MED26: variants seen among roughly 807,000 people sequenced by gnomAD.
The protein encoded by MED26 is mediator of RNA polymerase II transcription subunit 26.
A neutral mutation model predicts 43.7 loss-of-function variants in MED26; 7 were observed. That is an observed-to-expected ratio of 0.16 (90% CI 0.09 to 0.30). The LOEUF is 0.30. Among genes scored for constraint, MED26 ranks in the 10% least tolerant of loss-of-function variants. MED26 has a pLI of 1.00. For missense variants in MED26, 784 were observed against 840.6 expected, an observed-to-expected ratio of 0.93 and a Z score of 0.83; for synonymous variants, 375 against 371.1, an observed-to-expected ratio of 1.01 and a Z score of -0.12.
chr19:16,575,960 G>GC lies in MED26; in HGVS notation c.*66dup. ...GGAGGCAGCTGGGCCCCGGCCACCT[G>GC]CCCACCTGCCTGCCCGCCCACCCGG... is the stretch of plus-strand genomic sequence containing the variant. On this transcript the variant is annotated 3_prime_UTR_variant, in exon 3 of 3. Transcript: ENST00000263390. 1 of 1,487,226 alleles carries GC rather than the reference G, an allele frequency of 6.7e-7. No homozygotes were observed. The highest frequency in any genetic ancestry group is 9.1e-7 in the Non-Finnish European group (1 of 1,094,664). The allele number at this position is 1,487,226 out of a possible 1,614,324, so 92.1% of individuals were successfully genotyped here.
chr19:16,623,800 C>T (rs1236130411), intron 1 of MED26, among the ~76,000 whole-genome samples: 1 of 152,180 alleles, frequency 6.6e-6, no homozygotes, highest in African/African-American at 2.4e-5. Context: ...GTTGAAAGGA[C>T]TCTAAGGACT....
At position 16,591,033 on chromosome 19, in the gene MED26, T is replaced by G. The variant is rs2122402387; in HGVS notation, c.73-12624A>C. On this transcript the variant is annotated intron_variant, in intron 1 of 2. Transcript: ENST00000263390. The stretch of plus-strand genomic sequence containing the variant: ...CCAGCCTGGGCCACAGAGAGAGACT[T>G]TCTCAAAATAAAATAAAATAAATAA... 1.4e-5 allele frequency among the ~76,000 whole-genome samples: 2 copies of G among 146,084 alleles called. 1 individual carries two copies. The highest frequency in any genetic ancestry group is 4.4e-4 in the South Asian group (2 of 4,554).
intron 1 of MED26, among the ~76,000 whole-genome samples, chr19:16,605,049 G>A (rs889138579): frequency 6.6e-6 from 1 of 152,194 alleles, no homozygotes; most frequent in African/African-American, 2.4e-5. Flanking sequence ...GCCCCTCAGT[G>A]GGGGGAGGGA....
chr19:16,607,956 G>A lies in MED26; in HGVS notation c.72+19916C>T, dbSNP rs375167131. Among the ~76,000 whole-genome samples, 30 of 152,350 alleles carry A rather than the reference G, an allele frequency of 2.0e-4. No individual in the cohort carries two copies. In the East Asian group the frequency reaches 2.5e-3, roughly 13 times the overall value. On this transcript the variant is annotated intron_variant, in intron 1 of 2. Coordinates refer to ENST00000263390, the MANE Select transcript of MED26 (RefSeq NM_004831.5). ...AACTACGATCACGAGAACTGTCCCA[G>A]CAGCCAGCTGCAAAGGCGCAGACAC...
At chr19:16,585,672 T>C (rs1024774890) in intron 1 of MED26, among the ~76,000 whole-genome samples, 1 of 152,218 alleles carries the variant, frequency 6.6e-6, no homozygotes, top group African/African-American at 2.4e-5. Flanking sequence ...TCTGTGGCCC[T>C]GTGAAACCCA....
In MED26 at chr19:16,576,519, C is replaced by T; in HGVS notation, c.1311G>A (p.Leu437=). The T allele has an allele frequency of 6.2e-7, 1 of 1,614,200 alleles. No individual in the cohort carries two copies. The highest frequency in any genetic ancestry group is 8.5e-7 in the Non-Finnish European group (1 of 1,180,046). ...CTGCCCGCACTGGCTCTTTCTGGGTCAGAGGTTTGATCTGTCTCGTCATGG... is the reference window on the plus strand; with the variant it reads ...CTGCCCGCACTGGCTCTTTCTGGGTTAGAGGTTTGATCTGTCTCGTCATGG... ...FDPMTRQIKP[L]TQKEPVRADS... The change falls in exon 3 of 3, where the codon CTG becomes CTA. Residue 437 remains leucine, a synonymous_variant. Coordinates refer to ENST00000263390, the MANE Select transcript of MED26 (RefSeq NM_004831.5). The surrounding 1 kb of genome is among the most constrained non-coding windows in gnomAD (Gnocchi z 6.8).
At chr19:16,578,662 T>C in intron 1 of MED26, 1 of 474,164 alleles carries the variant, frequency 2.1e-6, no homozygotes, top group South Asian at 3.0e-5. Context: ...GTGTACATGG[T>C]ACATACCCAC....
chr19:16,610,285 A>ATAC (rs796694824), intron 1 of MED26: 25 of 152,230 alleles, frequency 1.6e-4, no homozygotes, highest in African/African-American at 6.0e-4. Context: ...AATAATAATA[A>ATAC]TAAGCAAAAC....
At chr19:16,598,354 A>C (rs2086132411) in intron 1 of MED26, among the ~76,000 whole-genome samples, 1 of 150,222 alleles carries the variant, frequency 6.7e-6, no homozygotes, top group Non-Finnish European at 1.5e-5. Context: ...AAAAAAAAAA[A>C]AAAAAATTAC....
chr19:16,627,967 C>A lies in MED26; in HGVS notation c.-24G>T. 1 of 1,420,966 alleles carries A rather than the reference C, an allele frequency of 7.0e-7. No individual in the cohort carries two copies. The highest frequency in any genetic ancestry group is 9.3e-7 in the Non-Finnish European group (1 of 1,080,890). The allele number at this position is 1,420,966 out of a possible 1,614,324, so 88.0% of individuals were successfully genotyped here. On this transcript the variant is annotated 5_prime_UTR_variant, in exon 1 of 3. Coordinates refer to ENST00000263390, the MANE Select transcript of MED26 (RefSeq NM_004831.5). ...ATTGCCTGGGCGAGGCGGGGGGTTG[C>A]GGCCGGGCCAGCGGGCGGGCGGGCT...
At chr19:16,592,600 G>A (rs910058764) in intron 1 of MED26, among the ~76,000 whole-genome samples, 10 of 152,208 alleles carry the variant, frequency 6.6e-5, no homozygotes, top group Admixed American at 6.5e-4. Flanking sequence ...CGCTCGCCTA[G>A]GCATGACATG....
At chr19:16,618,691 C>T (rs960361026) in intron 1 of MED26, among the ~76,000 whole-genome samples, 1 of 152,190 alleles carries the variant, frequency 6.6e-6, no homozygotes, top group African/African-American at 2.4e-5. Context: ...ACACTGGATC[C>T]ACTATTCTTC....
At chr19:16,601,801 G>A (rs867760432) in intron 1 of MED26, among the ~76,000 whole-genome samples, 1 of 152,256 alleles carries the variant, frequency 6.6e-6, no homozygotes, top group African/African-American at 2.4e-5. Flanking sequence ...AGGCCACCCC[G>A]GGCCATGCTC....
At chr19:16,616,242 A>AT (rs140190767) in intron 1 of MED26, among the ~76,000 whole-genome samples, 1 of 152,124 alleles carries the variant, frequency 6.6e-6, no homozygotes, top group African/African-American at 2.4e-5. Context: ...CCTATGCAGC[A>AT]TTTTTTACAT....
rs754759101 is a variant in MED26 at position 16,576,173 on chromosome 19, C to T, written c.1657G>A (p.Asp553Asn). The T allele has an allele frequency of 5.0e-6, 8 of 1,613,448 alleles. No homozygotes were observed. The highest frequency in any genetic ancestry group is 1.3e-5 in the African/African-American group (1 of 75,048). The change falls in exon 3 of 3, where the codon GAC becomes AAC. Residue 553 changes from aspartate (D) to asparagine (N), a missense_variant. By Grantham distance (23) the Asp-to-Asn change is conservative. Around this residue, in one of 3 missense-constraint regions of MED26, gnomAD observed 719 missense variants for 730.9 expected, o/e 0.98. Transcript: ENST00000263390. This position sits in a 1 kb window ranked among gnomAD's most constrained non-coding sequence, Gnocchi z 6.8. ...GGCCACTGGCTGGCCTGGATTCTGT[C>T]GAGATCGTCCTGTGTGACCTCCCGG... Reference protein sequence around the residue: ...LTREVTQDDLDRIQASQWPGV... With the variant: ...LTREVTQDDLNRIQASQWPGV...
chr19:16,595,672 G>T (rs550508563), intron 1 of MED26, among the ~76,000 whole-genome samples: 1 of 152,202 alleles, frequency 6.6e-6, no homozygotes, highest in African/African-American at 2.4e-5. Flanking sequence ...TGCTTTCCTG[G>T]GTGACTTTCC....
intron 1 of MED26, among the ~76,000 whole-genome samples, chr19:16,607,730 AT>A (rs150204784): frequency 3.3e-5 from 5 of 151,710 alleles, no homozygotes; most frequent in African/African-American, 9.7e-5. Context: ...ACATTATGAG[AT>A]TTTTTTTTAA....
intron 1 of MED26, 111 bp downstream of exon 1, chr19:16,627,761 G>C (rs2086288195): frequency 1.4e-6 from 1 of 695,398 alleles, no homozygotes; most frequent in South Asian, 4.4e-5. Flanking sequence ...CCCTCGAGGG[G>C]AGGTGGGCGC....
intron 1 of MED26, among the ~76,000 whole-genome samples, chr19:16,608,747 A>G (rs983223376): frequency 6.6e-6 from 1 of 152,250 alleles, no homozygotes; most frequent in African/African-American, 2.4e-5. Context: ...TTTGTGCTAC[A>G]AAGATAGCAG....
Sources: gnomAD v4.1 joint callset for allele counts (sites outside exome capture counted in the v4.1 genomes callset) on GRCh38, gnomAD v4.1.1 for gene constraint, gnomAD v4.1.1 regional missense constraint, Gnocchi (gnomAD v3.1) non-coding constraint, MANE v1.5 for transcripts, NCBI Gene and HGNC (gene_info 2026-07-23, HGNC 2026-07-21) for gene names.